DACH2: variants seen among roughly 807,000 people sequenced by gnomAD.
The protein encoded by DACH2 is dachshund homolog 2.
A neutral mutation model predicts 35.8 loss-of-function variants in DACH2; 17 were observed. The ratio of observed to expected loss-of-function variants is 0.48; its 90% CI spans 0.33 to 0.71. The LOEUF (loss-of-function observed/expected upper bound fraction) is 0.71, where lower values mean the gene tolerates loss of function less well. Ranked by LOEUF, DACH2 falls within the 30% of genes least tolerant of loss-of-function variation. The pLI, the probability that DACH2 is intolerant of heterozygous loss-of-function variation, is 0.02. For synonymous variants in DACH2, 195 were observed against 177.3 expected, an observed-to-expected ratio of 1.10 and a Z score of -0.79; for missense variants, 469 against 472.7, an observed-to-expected ratio of 0.99 and a Z score of 0.07.
Position 86,156,059 on chromosome X carries a change from T to C in DACH2, c.488+6951T>C, listed in dbSNP as rs142973966. The stretch of plus-strand genomic sequence containing the variant: ...ACATCCTTCTTCAACACTAAATTTG[T>C]ATGTTAAAATTGGTGAAAATATTAT... On this transcript the variant is annotated intron_variant, in intron 1 of 11. Transcript: ENST00000373125. 2.1e-3 allele frequency among the ~76,000 whole-genome samples: 230 copies of C among 111,422 alleles called. 1 individual carries two copies. The highest frequency in any genetic ancestry group is 6.9e-3 in the African/African-American group (212 of 30,905).
At chrX:86,814,014 G>A (rs765542084) in intron 9 of DACH2, among the ~76,000 whole-genome samples, 4 of 111,318 alleles carry the variant, frequency 3.6e-5, no homozygotes, top group East Asian at 2.8e-4. Flanking sequence ...TAGGAATTTC[G>A]CGCTCCATTA....
intron 3 of DACH2, among the ~76,000 whole-genome samples, chrX:86,610,377 CTT>C (rs1297951327): frequency 7.1e-4 from 39 of 54,622 alleles, no homozygotes; most frequent in South Asian, 4.1e-3. Context: ...TTCTTTCTTT[CTT>C]TCTTTCTTTC....
chrX:86,551,642 C>T (rs977169781), intron 3 of DACH2, among the ~76,000 whole-genome samples: 1 of 111,843 alleles, frequency 8.9e-6, no homozygotes, highest in African/African-American at 3.2e-5. Flanking sequence ...GATGCCAAGC[C>T]TCTTATACAG....
At chrX:86,211,186 T>G (rs184175719) in intron 1 of DACH2, among the ~76,000 whole-genome samples, 188 of 111,842 alleles carry the variant, frequency 1.7e-3, no homozygotes, top group African/African-American at 5.3e-3. Context: ...ATTTTATCTG[T>G]ACTTAGAATA....
intron 3 of DACH2, among the ~76,000 whole-genome samples, chrX:86,617,902 C>T (rs1360253858): frequency 8.9e-6 from 1 of 112,274 alleles, no homozygotes; most frequent in Non-Finnish European, 1.9e-5. Context: ...CTTTGTTTCA[C>T]TTTCTTTACC....
intron 3 of DACH2, among the ~76,000 whole-genome samples, chrX:86,606,040 C>T (rs1047433825): frequency 9.0e-6 from 1 of 110,914 alleles, no homozygotes; most frequent in African/African-American, 3.3e-5. Context: ...ATCTCTGAAT[C>T]TGGTTCTATT....
intron 1 of DACH2, among the ~76,000 whole-genome samples, chrX:86,277,851 T>C (rs2033947169): frequency 9.2e-6 from 1 of 108,849 alleles, no homozygotes; most frequent in African/African-American, 3.4e-5. Flanking sequence ...ATTGGAAAGG[T>C]GAAACAGCCA....
chrX:86,152,821 G>A (rs1241315544), intron 1 of DACH2, among the ~76,000 whole-genome samples: 1 of 111,539 alleles, frequency 9.0e-6, no homozygotes, highest in Non-Finnish European at 1.9e-5. Flanking sequence ...TGCAGATAAA[G>A]CACTGTGATT....
At chrX:86,413,746 G>A (rs1430119912) in intron 2 of DACH2, among the ~76,000 whole-genome samples, 1 of 110,867 alleles carries the variant, frequency 9.0e-6, no homozygotes, top group Non-Finnish European at 1.9e-5. Flanking sequence ...AGTCAATGTG[G>A]GGGGTTCCTT....
chrX:86,422,127 A>T (rs1197765377), intron 2 of DACH2, among the ~76,000 whole-genome samples: 1 of 111,418 alleles, frequency 9.0e-6, no homozygotes, highest in African/African-American at 3.2e-5. Context: ...AAGATGTGAC[A>T]TCCTTACAAC....
chrX:86,736,110 T>C (rs762390211), intron 6 of DACH2, among the ~76,000 whole-genome samples: 2 of 111,189 alleles, frequency 1.8e-5, no homozygotes, highest in Non-Finnish European at 3.8e-5. Flanking sequence ...GTTCATATAA[T>C]TATTCATTAT....
intron 1 of DACH2, among the ~76,000 whole-genome samples, chrX:86,336,764 A>T (rs2035319111): frequency 9.1e-6 from 1 of 110,412 alleles, no homozygotes; most frequent in African/African-American, 3.3e-5. Flanking sequence ...AAGGTGGATA[A>T]TAATAAACTC....
intron 2 of DACH2, among the ~76,000 whole-genome samples, chrX:86,424,845 G>A (rs2148162561): frequency 9.0e-6 from 1 of 111,004 alleles, no homozygotes; most frequent in African/African-American, 3.3e-5. Flanking sequence ...TACGAGGCAT[G>A]TTACTTCTAA....
chrX:86,526,479 G>A (rs2038634467), intron 3 of DACH2, among the ~76,000 whole-genome samples: 1 of 111,373 alleles, frequency 9.0e-6, no homozygotes, highest in Non-Finnish European at 1.9e-5. Context: ...TCCCTTTCTG[G>A]CAATGTCTAA....
chrX:86,332,677 T>C (rs2035234192), intron 1 of DACH2, among the ~76,000 whole-genome samples: 1 of 111,978 alleles, frequency 8.9e-6, no homozygotes, highest in Non-Finnish European at 1.9e-5. Flanking sequence ...GAATTAGTTA[T>C]GATAGTAAAA....
chrX:86,556,951 G>A (rs1602643097), intron 3 of DACH2, among the ~76,000 whole-genome samples: 1 of 106,880 alleles, frequency 9.4e-6, no homozygotes, highest in African/African-American at 3.4e-5. Context: ...CGAGTGTGAA[G>A]GCCTGAGAAC....
chrX:86,613,721 G>A (rs916915297), intron 3 of DACH2, among the ~76,000 whole-genome samples: 1 of 111,277 alleles, frequency 9.0e-6, no homozygotes, highest in African/African-American at 3.3e-5. Flanking sequence ...ATGCCTTCTT[G>A]CCAGATAGTA....
chrX:86,698,645 AC>A (rs2041102238), intron 5 of DACH2, among the ~76,000 whole-genome samples: 1 of 99,430 alleles, frequency 1.0e-5, no homozygotes, highest in East Asian at 3.3e-4. Context: ...CTCTCAACTA[AC>A]CCCCTCCATC....
chrX:86,293,971 G>T (rs1044763692), intron 1 of DACH2, among the ~76,000 whole-genome samples: 8 of 111,630 alleles, frequency 7.2e-5, no homozygotes, highest in African/African-American at 2.3e-4. Flanking sequence ...ATGTTAGCCT[G>T]CCTTGCTGGA....
Sources: allele counts gnomAD v4.1 joint callset (sites outside exome capture counted in the v4.1 genomes callset), GRCh38; gene constraint gnomAD v4.1.1; transcripts MANE v1.5; gene names NCBI Gene and HGNC (gene_info 2026-07-23, HGNC 2026-07-21).